GPR183: variants seen among roughly 807,000 people sequenced by gnomAD.
GPR183 encodes the protein EBV-induced G-protein coupled receptor 2.
Under a neutral mutation model 19.7 loss-of-function variants are expected in GPR183, and 9 were observed. That is an observed-to-expected ratio of 0.46 (90% CI 0.28 to 0.80). The LOEUF (loss-of-function observed/expected upper bound fraction) is 0.80, where lower values mean the gene tolerates loss of function less well. Among genes scored for constraint, GPR183 ranks in the 30% least tolerant of loss-of-function variants. GPR183 has a pLI of 0.13. For missense variants in GPR183, 368 were observed against 446.7 expected (o/e 0.82, Z 1.59); for synonymous variants, 160 against 155.1 (o/e 1.03, Z -0.24).
intron 1 of GPR183, among the ~76,000 whole-genome samples, chr13:99,299,864 A>G (rs1399195487): frequency 6.6e-6 from 1 of 152,190 alleles, no homozygotes; most frequent in African/African-American, 2.4e-5. Context: ...TATATTTTGC[A>G]CAGGAAAAAA....
intron 1 of GPR183, among the ~76,000 whole-genome samples, chr13:99,296,624 A>T (rs1317763863): frequency 4.6e-5 from 7 of 152,198 alleles, no homozygotes; most frequent in Non-Finnish European, 8.8e-5. Flanking sequence ...TATCACTGCC[A>T]GGAAATGAAA....
At position 99,295,076 on chromosome 13, in the gene GPR183, G is replaced by A; in HGVS notation, c.1070C>T (p.Ser357Phe). ...TETQMMIHSK[S>F]SNGK ...CAATCCATTTCACTTTCCATTTGAAGACTTGGAATGTATCATCATCTGCGT... is the reference window on the plus strand; with the variant it reads ...CAATCCATTTCACTTTCCATTTGAAAACTTGGAATGTATCATCATCTGCGT... The change falls in exon 2 of 2, where the codon TCT becomes TTT. Residue 357 changes from serine (S) to phenylalanine (F), a missense_variant. Physicochemically the swap from Ser to Phe is radical, Grantham distance 155 (BLOSUM62 -2). Transcript: ENST00000376414. This position sits in a 1 kb window ranked among gnomAD's most constrained non-coding sequence, Gnocchi z 4.1. 1 of 1,613,504 alleles carries A rather than the reference G, an allele frequency of 6.2e-7. No homozygotes were observed. Among genetic ancestry groups the A allele is most frequent in the Non-Finnish European group, 8.5e-7 (1 of 1,179,722 alleles).
rs1038317033 is a variant in GPR183 at position 99,298,374 on chromosome 13, G to GA, written c.-18-2212dup. On this transcript the variant is annotated intron_variant, in intron 1 of 1. Coordinates refer to ENST00000376414, the MANE Select transcript of GPR183 (RefSeq NM_004951.5). Reference sequence around the variant, plus strand: ...AAAGATAAAGGATAAGTTTGGAAATGAAAAAATACACTTCTAAGGAACTCA... The same window carrying GA: ...AAAGATAAAGGATAAGTTTGGAAATGAAAAAAATACACTTCTAAGGAACTCA... Among the ~76,000 whole-genome samples the GA allele has an allele frequency of 7.4e-4, 112 of 152,040 alleles. 1 individual carries two copies. Among genetic ancestry groups the GA allele is most frequent in the Non-Finnish European group, 2.2e-4 (15 of 67,952 alleles).
intron 1 of GPR183, among the ~76,000 whole-genome samples, chr13:99,304,919 T>A (rs372454825): frequency 6.6e-6 from 1 of 152,184 alleles, no homozygotes; most frequent in East Asian, 1.9e-4. Context: ...TAACGTACAC[T>A]AACTCATACC....
intron 1 of GPR183, among the ~76,000 whole-genome samples, chr13:99,305,368 G>A (rs1031905470): frequency 6.6e-6 from 1 of 152,106 alleles, no homozygotes; most frequent in African/African-American, 2.4e-5. Context: ...AACACCACGC[G>A]TCCTCTACAC....
At chr13:99,297,110 T>C (rs2044187339) in intron 1 of GPR183, among the ~76,000 whole-genome samples, 1 of 152,220 alleles carries the variant, frequency 6.6e-6, no homozygotes, top group Non-Finnish European at 1.5e-5. Flanking sequence ...TGATGAACTT[T>C]TGGATTCTTT....
intron 1 of GPR183, among the ~76,000 whole-genome samples, chr13:99,298,889 ATTTTTCTAAGTTCTTTGAAAATGTATT>A (rs1255038219): frequency 1.3e-4 from 20 of 152,174 alleles, no homozygotes; most frequent in South Asian, 8.3e-4. Flanking sequence ...TTTTATTAAT[ATTTTTCTAAGTTCTTTGAAAATGTATT>A]TTTTTCTAAG....
In GPR183 at chr13:99,295,867, C is replaced by T. The variant is rs41280146; in HGVS notation, c.279G>A (p.Met93Ile). The change falls in exon 2 of 2, where the codon ATG becomes ATA. Residue 93 changes from methionine to isoleucine, a missense_variant. By Grantham distance (10) the Met-to-Ile change is conservative. Coordinates refer to ENST00000376414, the MANE Select transcript of GPR183 (RefSeq NM_004951.5). This position sits in a 1 kb window ranked among gnomAD's most constrained non-coding sequence, Gnocchi z 4.1. The part of the protein sequence containing the change: ...ALPTRIAYYA[M>I]GFDWRIGDAL... ...CATCTCCGATTCTCCAGTCAAAGCC[C>T]ATTGCATAGTAGGCTATTCGTGTAG... 338 of 1,608,014 alleles carry T rather than the reference C, an allele frequency of 2.1e-4. 3 individuals are homozygous for T. The African/African-American group carries it at 4.3e-3, about 20-fold the overall frequency.
intron 1 of GPR183, among the ~76,000 whole-genome samples, chr13:99,303,118 C>T (rs2044280818): frequency 6.6e-6 from 1 of 152,178 alleles, no homozygotes; most frequent in African/African-American, 2.4e-5. Flanking sequence ...AACCCCATTG[C>T]ATATCCTGGG....
intron 1 of GPR183, among the ~76,000 whole-genome samples, chr13:99,297,692 GAAA>G (rs1173322795): frequency 5.9e-5 from 9 of 151,806 alleles, no homozygotes; most frequent in Non-Finnish European, 1.3e-4. Context: ...GAGACAATGG[GAAA>G]AAAACAAAGA....
chr13:99,304,701 A>C (rs2044306415), intron 1 of GPR183, among the ~76,000 whole-genome samples: 1 of 152,152 alleles, frequency 6.6e-6, no homozygotes, highest in Non-Finnish European at 1.5e-5. Context: ...ATCCTCTCAG[A>C]ACTTTCACAA....
At chr13:99,298,619 AAT>A (rs1214075579) in intron 1 of GPR183, among the ~76,000 whole-genome samples, 1 of 152,216 alleles carries the variant, frequency 6.6e-6, no homozygotes, top group Non-Finnish European at 1.5e-5. Flanking sequence ...GGAAGAAAAC[AAT>A]AGAGATAACT....
chr13:99,306,347 A>G (rs917142659), intron 1 of GPR183, among the ~76,000 whole-genome samples: 4 of 152,164 alleles, frequency 2.6e-5, no homozygotes, highest in Non-Finnish European at 5.9e-5. Context: ...TGGCAGTAGT[A>G]ATACTCCCCA....
chr13:99,306,890 C>T (rs1309077674), intron 1 of GPR183, among the ~76,000 whole-genome samples: 1 of 152,006 alleles, frequency 6.6e-6, no homozygotes, highest in African/African-American at 2.4e-5. Flanking sequence ...ATACCCTTTG[C>T]CCTAGGAATT....
chr13:99,298,225 C>T (rs1425465106), intron 1 of GPR183, among the ~76,000 whole-genome samples: 1 of 152,102 alleles, frequency 6.6e-6, no homozygotes, highest in Admixed American at 6.6e-5. Context: ...ACTGAAGACA[C>T]ATGAGCATAT....
Position 99,295,716 on chromosome 13 carries a change from T to C in GPR183, c.430A>G (p.Arg144Gly). The C allele has an allele frequency of 6.2e-7, 1 of 1,614,190 alleles. No individual in the cohort carries two copies. ...VHPLRYNKIK[R>G]IEHAKGVCIF... Reference sequence around the variant, plus strand: ...CACACGCCTTTTGCATGTTCAATCCTTTTTATCTTGTTGTAGCGTAGAGGG... The same window carrying C: ...CACACGCCTTTTGCATGTTCAATCCCTTTTATCTTGTTGTAGCGTAGAGGG... Residue 144 changes from arginine (R) to glycine (G), a missense_variant, in exon 2 of 2, where the codon AGG becomes GGG. Physicochemically the swap from Arg to Gly is moderately radical, Grantham distance 125 (BLOSUM62 -2). Transcript: ENST00000376414. This position sits in a 1 kb window ranked among gnomAD's most constrained non-coding sequence, Gnocchi z 4.1.
intron 1 of GPR183, among the ~76,000 whole-genome samples, chr13:99,304,535 T>C (rs2044303439): frequency 6.6e-6 from 1 of 152,104 alleles, no homozygotes; most frequent in Admixed American, 6.5e-5. Flanking sequence ...ACCCATTAGT[T>C]AAAGAATAGC....
intron 1 of GPR183, among the ~76,000 whole-genome samples, chr13:99,305,349 A>C (rs1053220862): frequency 3.5e-4 from 53 of 151,738 alleles, no homozygotes; most frequent in African/African-American, 1.2e-3. Flanking sequence ...TAAACCCCCC[A>C]GACTGGAGAA....
chr13:99,296,509 T>C (rs1174756041), intron 1 of GPR183, among the ~76,000 whole-genome samples: 1 of 152,190 alleles, frequency 6.6e-6, no homozygotes, highest in African/African-American at 2.4e-5. Context: ...CCCCTTCCCT[T>C]TTTTGAATCA....
Sources: gnomAD v4.1 joint callset for allele counts (sites outside exome capture counted in the v4.1 genomes callset) on GRCh38, gnomAD v4.1.1 for gene constraint, Gnocchi (gnomAD v3.1) non-coding constraint, MANE v1.5 for transcripts, NCBI Gene and HGNC (gene_info 2026-07-23, HGNC 2026-07-21) for gene names.